The following ASS1 variants were observed in gnomAD, a reference collection of about 807,000 sequenced individuals.
ASS1 encodes argininosuccinate synthase 1.
A neutral mutation model predicts 60.5 loss-of-function variants in ASS1; 58 were observed. That is an observed-to-expected ratio of 0.96 (90% CI 0.78 to 1.19). The LOEUF is 1.19. ASS1 is among the 50% of genes most tolerant of loss of function. ASS1 has a pLI of 0.00. For missense variants in ASS1, 454 were observed against 547.3 expected (o/e 0.83, Z 1.70); for synonymous variants, 200 against 206.9 (o/e 0.97, Z 0.29).
At chr9:130,487,401 T>G (rs1588501968) in intron 11 of ASS1, among the ~76,000 whole-genome samples, 1 of 15,066 alleles carries the variant, frequency 6.6e-5, no homozygotes, top group African/African-American at 1.2e-4. Flanking sequence ...TCCTTCATGG[T>G]TTTTTTTTTT....
chr9:130,479,051 G>A (rs1039097911), intron 9 of ASS1, among the ~76,000 whole-genome samples: 1 of 152,090 alleles, frequency 6.6e-6, no homozygotes, highest in African/African-American at 2.4e-5. Context: ...ATTTCACACC[G>A]CTCGAGAAAG....
At chr9:130,472,264 CAAG>C (rs1268102490) in intron 8 of ASS1, among the ~76,000 whole-genome samples, 3 of 152,200 alleles carry the variant, frequency 2.0e-5, no homozygotes, top group East Asian at 3.9e-4. Context: ...CTGGGGGAAT[CAAG>C]AAGACCAGCT....
At chr9:130,484,137 G>A (rs1263326052) in intron 11 of ASS1, among the ~76,000 whole-genome samples, 4 of 152,112 alleles carry the variant, frequency 2.6e-5, no homozygotes, top group Admixed American at 6.5e-5. Flanking sequence ...CCTTGGCCCT[G>A]GTACCTAAGA....
chr9:130,450,148 GCTCCTGGAC>G (rs1277883385), intron 1 of ASS1: 29 of 452,250 alleles, frequency 6.4e-5, no homozygotes, highest in Non-Finnish European at 7.9e-5. Context: ...TGGCTCTGGG[GCTCCTGGAC>G]CTCCTCTGCT....
intron 11 of ASS1, among the ~76,000 whole-genome samples, chr9:130,481,954 C>T (rs1054609042): frequency 6.6e-6 from 1 of 152,156 alleles, no homozygotes; most frequent in Non-Finnish European, 1.5e-5. Flanking sequence ...TTAGATGCCC[C>T]TTTGTCGCAG....
In ASS1 at chr9:130,462,527, A is replaced by G. The variant is rs1021469023; in HGVS notation, c.364-1584A>G. On this transcript the variant is annotated intron_variant, in intron 4 of 14. Coordinates refer to ENST00000352480, the MANE Select transcript of ASS1 (RefSeq NM_054012.4). Reference sequence around the variant, plus strand: ...CTCTTCGAGGGTCTCTGGCTCCTGAACAGATGGGTGTCCGCATGGCAGCAT... The same window carrying G: ...CTCTTCGAGGGTCTCTGGCTCCTGAGCAGATGGGTGTCCGCATGGCAGCAT... 2.7e-4 allele frequency among the ~76,000 whole-genome samples: 41 copies of G among 152,210 alleles called. 1 individual carries two copies. The highest frequency in any genetic ancestry group is 8.4e-4 in the African/African-American group (35 of 41,546).
Position 130,489,366 on chromosome 9 carries a change from A to C in ASS1, c.872A>C (p.Tyr291Ser). 1.2e-6 allele frequency: 2 copies of C among 1,613,460 alleles called. No individual in the cohort carries two copies. Among genetic ancestry groups the C allele is most frequent in the Non-Finnish European group, 1.7e-6 (2 of 1,179,950 alleles). The stretch of plus-strand genomic sequence containing the variant: ...GAGACCCCAGCAGGCACCATCCTTT[A>C]CCATGCTCATTTAGACATCGAGGCC... ...IYETPAGTIL[Y>S]HAHLDIEAFT... Residue 291 changes from tyrosine (Y) to serine (S), a missense_variant, in exon 12 of 15, where the codon TAC becomes TCC. Tyr to Ser is a moderately radical substitution (Grantham distance 144, BLOSUM62 -2). Transcript: ENST00000352480. The surrounding 1 kb of genome is among the most constrained non-coding windows in gnomAD (Gnocchi z 4.1).
In ASS1 at chr9:130,499,489, TCTA is replaced by T. The variant is rs1366463376; in HGVS notation, c.1128-13_1128-11del. The T allele has an allele frequency of 6.2e-7, 1 of 1,612,676 alleles. No homozygotes were observed. On this transcript the variant is annotated splice_polypyrimidine_tract_variant and intron_variant, in intron 13 of 14. Transcript: ENST00000352480. ...CAGGGCCAGGCTGAGCTGACAAGCT[TCTA>T]CTCTCCTTGCAGCATGAACGTGCAG...
Position 130,494,843 on chromosome 9 carries a change from G to GGTATCCT in ASS1, c.971-21_971-15dup. On this transcript the variant is annotated intron_variant, in intron 12 of 14. Coordinates refer to ENST00000352480, the MANE Select transcript of ASS1 (RefSeq NM_054012.4). The surrounding 1 kb of genome is among the most constrained non-coding windows in gnomAD (Gnocchi z 4.3). ...TCGCGGTGCAGGAGGCCTCCCTAGT[G>GGTATCCT]GTATCCTGTTTTCCTCCCTGTAGGT... 1.2e-6 allele frequency: 2 copies of GGTATCCT among 1,613,260 alleles called. No homozygotes were observed. The highest frequency in any genetic ancestry group is 1.7e-6 in the Non-Finnish European group (2 of 1,179,808).
rs536799104 is a variant in ASS1 at position 130,480,397 on chromosome 9, C to T, written c.786C>T (p.Gly262=). Residue 262 remains glycine, a synonymous_variant, in exon 11 of 15, where the codon GGC becomes GGT. Transcript: ENST00000352480. ...MYLNEVAGKH[G]VGRIDIVENR... is the part of the protein sequence containing the mutation. ...GTTCTTCCCACAGGGGCAAGCATGGCGTGGGCCGTATTGACATCGTGGAGA... is the reference window on the plus strand; with the variant it reads ...GTTCTTCCCACAGGGGCAAGCATGGTGTGGGCCGTATTGACATCGTGGAGA... The T allele has an allele frequency of 1.1e-4, 172 of 1,614,206 alleles. No individual in the cohort carries two copies. In the East Asian group the frequency reaches 1.2e-3, roughly 11 times the overall value.
chr9:130,466,685 G>C, intron 5 of ASS1, 40 bp from the exon 6 acceptor site: 1 of 1,595,642 alleles, frequency 6.3e-7, no homozygotes, highest in South Asian at 1.1e-5. Flanking sequence ...GAAGCCCACA[G>C]CTCGGCCCTC....
In ASS1 at chr9:130,477,069, C is replaced by A; in HGVS notation, c.688+108C>A. The A allele has an allele frequency of 8.3e-7, 1 of 1,204,450 alleles. No individual in the cohort carries two copies. The highest frequency in any genetic ancestry group is 1.2e-6 in the Non-Finnish European group (1 of 825,776). The allele number at this position is 1,204,450 out of a possible 1,614,324, so 74.6% of individuals were successfully genotyped here. A position where few individuals can be genotyped will look rare whatever the true frequency, so the allele number is the denominator to read the frequency against. On this transcript the variant is annotated intron_variant, in intron 9 of 14. Coordinates refer to ENST00000352480, the MANE Select transcript of ASS1 (RefSeq NM_054012.4). This position sits in a 1 kb window ranked among gnomAD's most constrained non-coding sequence, Gnocchi z 4.2. ...CCCTCTTTACCCCCGCCCTGCATTCCTGGAAGCTAGAGTTCAGGCAGGGGC... is the reference window on the plus strand; with the variant it reads ...CCCTCTTTACCCCCGCCCTGCATTCATGGAAGCTAGAGTTCAGGCAGGGGC...
Position 130,488,726 on chromosome 9 carries a change from C to T in ASS1, c.839-607C>T, listed in dbSNP as rs901861546. Among the ~76,000 whole-genome samples, 1 of 152,218 alleles carries T rather than the reference C, an allele frequency of 6.6e-6. No individual in the cohort carries two copies. The highest frequency in any genetic ancestry group is 6.5e-5 in the Admixed American group (1 of 15,286). On this transcript the variant is annotated intron_variant, in intron 11 of 14. Coordinates refer to ENST00000352480, the MANE Select transcript of ASS1 (RefSeq NM_054012.4). This position sits in a 1 kb window ranked among gnomAD's most constrained non-coding sequence, Gnocchi z 5.2. ...CACTGGTGAGGGACTCGGGGGCCTA[C>T]ATTCAGTTCCCAGCTCCACCTAGAG...
intron 8 of ASS1, among the ~76,000 whole-genome samples, chr9:130,474,028 T>C (rs1588490108): frequency 1.8e-5 from 1 of 56,266 alleles, no homozygotes; most frequent in Non-Finnish European, 3.2e-5. Context: ...CGACTCTCTC[T>C]CTCTCTTTTT....
At chr9:130,448,522 C>T (rs1364038627) in intron 1 of ASS1, among the ~76,000 whole-genome samples, 3 of 152,172 alleles carry the variant, frequency 2.0e-5, no homozygotes, top group African/African-American at 7.2e-5. Flanking sequence ...TCAGAGCCCA[C>T]ACCTGCCCAG....
At chr9:130,498,411 G>A (rs1380649440) in intron 13 of ASS1, among the ~76,000 whole-genome samples, 4 of 152,184 alleles carry the variant, frequency 2.6e-5, no homozygotes, top group East Asian at 1.9e-4. Flanking sequence ...CTGAGTCCAC[G>A]TGCCCTAAGT....
rs533837430 is a variant in ASS1, at chr9:130,495,775, G to A, written c.1127+752G>A. Among the ~76,000 whole-genome samples the A allele has an allele frequency of 4.6e-5, 7 of 152,250 alleles. No individual in the cohort carries two copies. In the East Asian group the frequency reaches 1.4e-3, roughly 29 times the overall value. On this transcript the variant is annotated intron_variant, in intron 13 of 14. Transcript: ENST00000352480. ...GACCATGCTGATGATTCCTGGACTA[G>A]ATAGCAGCAGGCGAATGTGACACAT...
intron 5 of ASS1, chr9:130,466,363 C>G (rs1845743633): frequency 2.8e-6 from 1 of 360,744 alleles, no homozygotes; most frequent in Admixed American, 3.9e-5. Context: ...TGGACTCTCC[C>G]TGGGTCACGG....
chr9:130,491,119 T>C lies in ASS1; in HGVS notation c.970+1655T>C, dbSNP rs1846438277. On this transcript the variant is annotated intron_variant, in intron 12 of 14. Transcript: ENST00000352480. The surrounding 1 kb of genome is among the most constrained non-coding windows in gnomAD (Gnocchi z 5.3). ...GGATTTCGAGAGGGCTCGATGGTTA[T>C]TGGCTGGCGTTATTTCTCCCTGCCA... is the stretch of plus-strand genomic sequence containing the variant. 1.3e-5 allele frequency among the ~76,000 whole-genome samples: 2 copies of C among 152,210 alleles called. No individual in the cohort carries two copies. The highest frequency in any genetic ancestry group is 1.5e-5 in the Non-Finnish European group (1 of 68,034).
Sources: gnomAD v4.1 joint callset for allele counts (sites outside exome capture counted in the v4.1 genomes callset) on GRCh38, gnomAD v4.1.1 for gene constraint, Gnocchi (gnomAD v3.1) non-coding constraint, MANE v1.5 for transcripts, NCBI Gene and HGNC (gene_info 2026-07-23, HGNC 2026-07-21) for gene names.